The following COL5A2 variants were observed in gnomAD, a reference collection of about 807,000 sequenced individuals.
The protein encoded by COL5A2 is collagen alpha-2(V) chain.
COL5A2 carries 23 observed loss-of-function variants against 208.2 expected under a neutral mutation model. That is an observed-to-expected ratio of 0.11 (90% CI 0.08 to 0.16). The LOEUF (loss-of-function observed/expected upper bound fraction) is 0.16. COL5A2 is among the 10% of genes least tolerant of loss of function. The pLI is 1.00. For synonymous variants in COL5A2, 625 were observed against 628.5 expected, an observed-to-expected ratio of 0.99 and a Z score of 0.08; for missense variants, 1,590 against 1,956.4, an observed-to-expected ratio of 0.81 and a Z score of 3.53.
the COL5A2 span, among the ~76,000 whole-genome samples, chr2:189,418,120 C>T: frequency 6.6e-6 from 1 of 151,424 alleles, no homozygotes; most frequent in South Asian, 2.1e-4. Context: ...ATGAACTCAC[C>T]AATAATGAAC....
chr2:189,216,496 G>C (rs1332806450), intron 1 of COL5A2, among the ~76,000 whole-genome samples: 1 of 151,894 alleles, frequency 6.6e-6, no homozygotes, highest in African/African-American at 2.4e-5. Context: ...TCAAAATCTA[G>C]TATGTAAATT....
chr2:189,328,291 C>T, the COL5A2 span, among the ~76,000 whole-genome samples: 42,928 of 152,114 alleles, frequency 0.28, 6,304 homozygotes, highest in African/African-American at 0.34. Context: ...TTCTACACAA[C>T]GTATCTTTAA....
the COL5A2 span, among the ~76,000 whole-genome samples, chr2:189,348,235 T>C: frequency 1.3e-5 from 2 of 152,186 alleles, no homozygotes; most frequent in African/African-American, 4.8e-5. Flanking sequence ...ATCAAAAATA[T>C]ATTTTTGATA....
chr2:189,119,578 A>G (rs1687460413), intron 1 of COL5A2, among the ~76,000 whole-genome samples: 1 of 152,078 alleles, frequency 6.6e-6, no homozygotes, highest in Non-Finnish European at 1.5e-5. Context: ...GAATTTTATC[A>G]TTATTGTATA....
chr2:189,035,742 C>T (rs1226274111), intron 52 of COL5A2, among the ~76,000 whole-genome samples: 1 of 151,992 alleles, frequency 6.6e-6, no homozygotes, highest in Non-Finnish European at 1.5e-5. Flanking sequence ...TAAATAATGA[C>T]AGATACTAGC....
At chr2:189,085,630 G>T in intron 10 of COL5A2, 89 bp downstream of exon 10, 1 of 1,090,052 alleles carries the variant, frequency 9.2e-7, no homozygotes, top group South Asian at 1.3e-5. Context: ...CATTAGGGAG[G>T]ACCTGGGAAG....
the COL5A2 span, among the ~76,000 whole-genome samples, chr2:189,367,104 T>C: frequency 2.0e-5 from 3 of 152,200 alleles, no homozygotes; most frequent in Non-Finnish European, 4.4e-5. Flanking sequence ...CACAGAAAAC[T>C]ACGTAAGACT....
chr2:189,234,033 A>G, the COL5A2 span, among the ~76,000 whole-genome samples: 1 of 151,578 alleles, frequency 6.6e-6, no homozygotes, highest in African/African-American at 2.4e-5. Flanking sequence ...TTGATGGTCT[A>G]TATTACCTGT....
chr2:189,341,451 T>A, the COL5A2 span, among the ~76,000 whole-genome samples: 1 of 152,164 alleles, frequency 6.6e-6, no homozygotes, highest in Non-Finnish European at 1.5e-5. Context: ...GTGCAACAGT[T>A]ATCATTTTTT....
At chr2:189,293,369 G>T in the COL5A2 span, among the ~76,000 whole-genome samples, 1 of 152,142 alleles carries the variant, frequency 6.6e-6, no homozygotes, top group Non-Finnish European at 1.5e-5. Flanking sequence ...ATGGGAGTTG[G>T]TACATAAACA....
rs935766057 is a variant in COL5A2, at chr2:189,130,733, T to C, written c.98-20284A>G. ...TTTCCATTCCATTTTACAAATGAAA[T>C]ATTAGAGTATAAACCAGTCTACAAA... is the stretch of plus-strand genomic sequence containing the variant. On this transcript the variant is annotated intron_variant, in intron 1 of 53. Transcript: ENST00000374866. Among the ~76,000 whole-genome samples, 4 of 152,110 alleles carry C rather than the reference T, an allele frequency of 2.6e-5. No individual in the cohort carries two copies. The East Asian group carries it at 7.7e-4, about 29-fold the overall frequency.
chr2:189,111,837 G>A (rs754130743), intron 1 of COL5A2, among the ~76,000 whole-genome samples: 3 of 151,528 alleles, frequency 2.0e-5, no homozygotes, highest in South Asian at 2.1e-4. Flanking sequence ...AGGACTAGGC[G>A]TCTTGTTCAT....
chr2:189,092,227 C>G (rs1686803585), intron 7 of COL5A2, 83 bp downstream of exon 7: 1 of 903,192 alleles, frequency 1.1e-6, no homozygotes, highest in African/African-American at 1.6e-5. Flanking sequence ...AATATCTGAA[C>G]AGACACAATT....
At position 189,068,088 on chromosome 2, in the gene COL5A2, G is replaced by A; in HGVS notation, c.1328C>T (p.Pro443Leu). The A allele has an allele frequency of 1.9e-6, 3 of 1,614,032 alleles. No individual in the cohort carries two copies. Among genetic ancestry groups the A allele is most frequent in the Non-Finnish European group, 2.5e-6 (3 of 1,179,948 alleles). The change falls in exon 21 of 54, where the codon CCT (proline) becomes CTT (leucine). Residue 443 changes from proline to leucine, a missense_variant. By Grantham distance (98) the Pro-to-Leu change is moderately conservative. Transcript: ENST00000374866. ...PTGSPGTSGP[P>L]GSAGPPGSPG... ...AGATCCAGGAGGCCCTGCTGAGCCA[G>A]GAGGACCAGAGGTACCTGGAGAGCC...
chr2:189,277,276 G>A, the COL5A2 span, among the ~76,000 whole-genome samples: 1 of 151,992 alleles, frequency 6.6e-6, no homozygotes, highest in African/African-American at 2.4e-5. Context: ...AATTATCTAA[G>A]GACTATATAC....
intron 1 of COL5A2, among the ~76,000 whole-genome samples, chr2:189,145,660 A>G (rs1688025217): frequency 6.6e-6 from 1 of 152,032 alleles, no homozygotes; most frequent in Admixed American, 6.6e-5. Context: ...ATTCAGAAGG[A>G]TTTTTATTGG....
the COL5A2 span, among the ~76,000 whole-genome samples, chr2:189,249,652 A>C: frequency 6.6e-6 from 1 of 152,198 alleles, no homozygotes; most frequent in African/African-American, 2.4e-5. Flanking sequence ...CTCAATCCCA[A>C]ACTGTCAGCT....
the COL5A2 span, among the ~76,000 whole-genome samples, chr2:189,323,058 A>C: frequency 6.6e-6 from 1 of 152,228 alleles, no homozygotes; most frequent in African/African-American, 2.4e-5. Context: ...AAACAGAACC[A>C]ATGACAAAAA....
intron 1 of COL5A2, 87 bp downstream of exon 1, chr2:189,179,421 T>C (rs1688741384): frequency 6.8e-7 from 1 of 1,467,430 alleles, no homozygotes; most frequent in South Asian, 1.2e-5. Context: ...CAGAACCTCC[T>C]CTTCACGCTC....
Sources: gnomAD v4.1 joint callset for allele counts (sites outside exome capture counted in the v4.1 genomes callset) on GRCh38, gnomAD v4.1.1 for gene constraint, MANE v1.5 for transcripts, NCBI Gene and HGNC (gene_info 2026-07-23, HGNC 2026-07-21) for gene names.